Variants in CHCHD3 observed in about 807,000 individuals in gnomAD.
CHCHD3 encodes the protein MICOS complex subunit MIC19.
Under a neutral mutation model 38.2 loss-of-function variants are expected in CHCHD3, and 20 were observed. The ratio of observed to expected loss-of-function variants is 0.52; its 90% CI spans 0.37 to 0.76. The LOEUF (loss-of-function observed/expected upper bound fraction) is 0.76. Among genes scored for constraint, CHCHD3 ranks in the 30% least tolerant of loss-of-function variants. CHCHD3 has a pLI of 0.00. For synonymous variants in CHCHD3, 82 were observed against 100.0 expected, an observed-to-expected ratio of 0.82 and a Z score of 1.07; for missense variants, 245 against 279.2, an observed-to-expected ratio of 0.88 and a Z score of 0.87.
intron 2 of CHCHD3, among the ~76,000 whole-genome samples, chr7:133,065,330 T>C (rs1404027138): frequency 6.6e-6 from 1 of 152,176 alleles, no homozygotes; most frequent in African/African-American, 2.4e-5. Context: ...AAAAATTATA[T>C]TTTTTATGAA....
chr7:133,048,639 G>A (rs1166931046), intron 2 of CHCHD3, among the ~76,000 whole-genome samples: 1 of 152,102 alleles, frequency 6.6e-6, no homozygotes, highest in Non-Finnish European at 1.5e-5. Flanking sequence ...ATAGACAATT[G>A]GAAAATCACT....
chr7:133,078,953 A>G (rs1181665105), intron 1 of CHCHD3, among the ~76,000 whole-genome samples: 1 of 152,232 alleles, frequency 6.6e-6, no homozygotes, highest in Non-Finnish European at 1.5e-5. Context: ...GCTAAAAACA[A>G]TGGCTTATGG....
intron 5 of CHCHD3, among the ~76,000 whole-genome samples, chr7:132,844,651 A>G (rs1202032349): frequency 6.6e-6 from 1 of 152,232 alleles, no homozygotes; most frequent in Admixed American, 6.5e-5. Flanking sequence ...CATGTTTTCC[A>G]TCAAGACTCT....
chr7:132,901,565 G>A (rs1809668188), intron 4 of CHCHD3, among the ~76,000 whole-genome samples: 1 of 152,224 alleles, frequency 6.6e-6, no homozygotes, highest in African/African-American at 2.4e-5. Flanking sequence ...CTGATGGCCA[G>A]TGATGATCAG....
intron 4 of CHCHD3, among the ~76,000 whole-genome samples, chr7:132,937,374 C>A (rs1259435236): frequency 6.6e-6 from 1 of 152,128 alleles, no homozygotes; most frequent in African/African-American, 2.4e-5. Context: ...GTTCTTATAA[C>A]CTTTTCCAAA....
At chr7:132,851,469 T>C (rs568399106) in intron 5 of CHCHD3, among the ~76,000 whole-genome samples, 2 of 152,224 alleles carry the variant, frequency 1.3e-5, no homozygotes, top group African/African-American at 2.4e-5. Flanking sequence ...CTTCTATTAT[T>C]GTAGCTCTTC....
chr7:133,059,372 A>G (rs1814434103), intron 2 of CHCHD3, among the ~76,000 whole-genome samples: 1 of 152,186 alleles, frequency 6.6e-6, no homozygotes, highest in Admixed American at 6.5e-5. Context: ...CTAAAATTCC[A>G]GGGGACAAAG....
chr7:132,788,396 C>G lies in CHCHD3; in HGVS notation c.661-2736G>C, dbSNP rs147073653. Among the ~76,000 whole-genome samples the G allele has an allele frequency of 6.9e-3, 1,055 of 152,280 alleles. 9 individuals are homozygous for G. Among genetic ancestry groups the G allele is most frequent in the Middle Eastern group, 0.034 (10 of 294 alleles). On this transcript the variant is annotated intron_variant, in intron 7 of 7. Coordinates refer to ENST00000262570, the MANE Select transcript of CHCHD3 (RefSeq NM_017812.4). This position sits in a 1 kb window ranked among gnomAD's most constrained non-coding sequence, Gnocchi z 4.0. ...CAAGATTACATAGCTGTACCCCTCT[C>G]TACAATTTTGGGCTTAGGGTTACAA...
chr7:132,927,554 T>C (rs1487456109), intron 4 of CHCHD3, among the ~76,000 whole-genome samples: 1 of 152,252 alleles, frequency 6.6e-6, no homozygotes, highest in East Asian at 1.9e-4. Context: ...ATGGAAGCGA[T>C]TGGTTAAAAA....
chr7:132,978,200 T>C (rs1486602825), intron 3 of CHCHD3, among the ~76,000 whole-genome samples: 1 of 152,124 alleles, frequency 6.6e-6, no homozygotes, highest in Non-Finnish European at 1.5e-5. Context: ...ACTATGCGGG[T>C]AGGAATACAG....
intron 3 of CHCHD3, among the ~76,000 whole-genome samples, chr7:132,979,490 G>A (rs558945883): frequency 2.0e-5 from 3 of 152,298 alleles, no homozygotes; most frequent in Admixed American, 2.0e-4. Context: ...AAAAAGTTAG[G>A]TAGGTATCTA....
Position 132,815,266 on chromosome 7 carries a change from A to G in CHCHD3, c.525-18689T>C, listed in dbSNP as rs138476453. ...TCTTCCAGTATTTAGGAGTGAGGCC[A>G]TCTGACTGAAGTCTTATTTCCCTGC... On this transcript the variant is annotated intron_variant, in intron 6 of 7. Transcript: ENST00000262570. Among the ~76,000 whole-genome samples the G allele has an allele frequency of 2.4e-4, 36 of 152,336 alleles. No individual in the cohort carries two copies. In the East Asian group the frequency reaches 6.4e-3, roughly 27 times the overall value.
At chr7:132,950,538 A>G (rs1257489717) in intron 4 of CHCHD3, among the ~76,000 whole-genome samples, 1 of 152,186 alleles carries the variant, frequency 6.6e-6, no homozygotes. Flanking sequence ...GATTGATCAT[A>G]AGACAGAGTA....
At chr7:133,022,165 A>G (rs924253546) in intron 3 of CHCHD3, among the ~76,000 whole-genome samples, 1 of 152,212 alleles carries the variant, frequency 6.6e-6, no homozygotes, top group African/African-American at 2.4e-5. Context: ...AAAGAAAAAT[A>G]TCACAATCGA....
chr7:132,883,943 A>G (rs1176756373), intron 5 of CHCHD3, among the ~76,000 whole-genome samples: 1 of 152,158 alleles, frequency 6.6e-6, no homozygotes, highest in Non-Finnish European at 1.5e-5. Context: ...AAAAGCCATA[A>G]ACCTAGAGTT....
chr7:132,796,563 T>A lies in CHCHD3; in HGVS notation c.539A>T (p.His180Leu), dbSNP rs1670943090. The change falls in exon 7 of 8, where the codon CAT (histidine) becomes CTT (leucine). Residue 180 changes from histidine to leucine, a missense_variant. By Grantham distance (99) the His-to-Leu change is moderately conservative (BLOSUM62 -3). Coordinates refer to ENST00000262570, the MANE Select transcript of CHCHD3 (RefSeq NM_017812.4). Reference sequence around the variant, plus strand: ...GGCCTGCAGATCAGCACAGACTGGATGAGACTCATATCGCCTGAAAACAAA... The same window carrying A: ...GGCCTGCAGATCAGCACAGACTGGAAGAGACTCATATCGCCTGAAAACAAA... ...VEAKFKRYES[H>L]PVCADLQAKI... 4.3e-6 allele frequency: 7 copies of A among 1,613,770 alleles called. No homozygotes were observed. The highest frequency in any genetic ancestry group is 5.9e-6 in the Non-Finnish European group (7 of 1,179,780).
At chr7:132,963,854 C>T (rs779754484) in intron 4 of CHCHD3, among the ~76,000 whole-genome samples, 1 of 152,070 alleles carries the variant, frequency 6.6e-6, no homozygotes, top group Non-Finnish European at 1.5e-5. Flanking sequence ...ATTTTTAATA[C>T]ATTAGTTAAC....
chr7:132,812,216 T>C (rs1421505104), intron 6 of CHCHD3, among the ~76,000 whole-genome samples: 2 of 139,476 alleles, frequency 1.4e-5, no homozygotes, highest in Non-Finnish European at 3.1e-5. Context: ...TTTTTTTTTT[T>C]TTTTTTTTTT....
intron 4 of CHCHD3, among the ~76,000 whole-genome samples, chr7:132,914,733 G>T (rs547691926): frequency 6.6e-6 from 1 of 152,350 alleles, no homozygotes; most frequent in Non-Finnish European, 1.5e-5. Context: ...ACAGAGATGT[G>T]TGTGCGCATG....
Sources: gnomAD v4.1 joint callset for allele counts (sites outside exome capture counted in the v4.1 genomes callset) on GRCh38, gnomAD v4.1.1 for gene constraint, Gnocchi (gnomAD v3.1) non-coding constraint, MANE v1.5 for transcripts, NCBI Gene and HGNC (gene_info 2026-07-23, HGNC 2026-07-21) for gene names.